The following FGF22 variants were observed in gnomAD, a reference collection of about 807,000 sequenced individuals.
FGF22 encodes FGF-22.
A neutral mutation model predicts 10.3 loss-of-function variants in FGF22; 11 were observed. The ratio of observed to expected loss-of-function variants is 1.07; its 90% confidence interval spans 0.67 to 1.77. The LOEUF is 1.77. Among genes scored for constraint, FGF22 ranks in the 40% most tolerant of loss-of-function variants. FGF22 has a pLI of 0.00. For missense variants in FGF22, 317 were observed against 273.2 expected (o/e 1.16, Z -1.13); for synonymous variants, 136 against 122.1 (o/e 1.11, Z -0.75).
In FGF22 at chr19:643,216, C is replaced by T. The variant is rs776910063; in HGVS notation, c.215-19C>T. On this transcript the variant is annotated intron_variant, in intron 1 of 2. Coordinates refer to ENST00000215530, the Ensembl canonical transcript of FGF22. ...GGGGGTGAGCCAGCAAGGCCCTCCCCGACCCCCGCCTCCCCCAGGCATCCT... is the reference window on the plus strand; with the variant it reads ...GGGGGTGAGCCAGCAAGGCCCTCCCTGACCCCCGCCTCCCCCAGGCATCCT... The T allele has an allele frequency of 1.6e-5, 23 of 1,447,612 alleles. No homozygotes were observed. The highest frequency in any genetic ancestry group is 1.8e-4 in the Middle Eastern group (1 of 5,532). The allele number at this position is 1,447,612 out of a possible 1,614,324, so 89.7% of individuals were successfully genotyped here.
intron 1 of FGF22, 78 bp from the exon 2 acceptor site, chr19:643,157 C>A: frequency 5.8e-6 from 2 of 342,676 alleles, no homozygotes; most frequent in Non-Finnish European, 8.5e-6. Context: ...GTCCTGAGGG[C>A]CCTGCACGAA....
intron 1 of FGF22, among the ~76,000 whole-genome samples, chr19:642,964 G>A (rs1394829884): frequency 3.3e-5 from 5 of 152,048 alleles, no homozygotes; most frequent in South Asian, 2.1e-4. Flanking sequence ...GGTCCTCATC[G>A]ATCTCTGCAC....
intron 1 of FGF22, chr19:640,791 G>C: frequency 4.6e-6 from 1 of 218,156 alleles, no homozygotes; most frequent in South Asian, 6.1e-5. Context: ...CAGGGGAGTC[G>C]GTGTCCCCGC....
chr19:643,587 C>T (rs1196368310), exon 3 of FGF22: 1 of 1,549,904 alleles, frequency 6.5e-7, no homozygotes, highest in Non-Finnish European at 8.7e-7. Context: ...CCACTTCCTG[C>T]CCGTCCTGGT....
At chr19:641,792 G>A (rs1189495704) in intron 1 of FGF22, among the ~76,000 whole-genome samples, 1 of 152,076 alleles carries the variant, frequency 6.6e-6, no homozygotes, top group African/African-American at 2.4e-5. Context: ...GCTGCCCCGA[G>A]GAGCTTTCAC....
At chr19:643,437 C>G (rs141882459) in exon 3 of FGF22, 1 of 1,611,414 alleles carries the variant, frequency 6.2e-7, no homozygotes, top group South Asian at 1.1e-5. Flanking sequence ...CTGCAGGTTC[C>G]GGGAGCGCAT....
chr19:643,085 TG>T (rs371261717), intron 1 of FGF22, 149 bp from the exon 2 acceptor site: 55 of 33,942 alleles, frequency 1.6e-3, no homozygotes, highest in African/African-American at 7.6e-3. Flanking sequence ...TGGGGGATCC[TG>T]AGTGTCCGTC....
At chr19:640,944 C>T (rs1286395835) in intron 1 of FGF22, 4 of 339,334 alleles carry the variant, frequency 1.2e-5, no homozygotes, top group South Asian at 6.6e-5. Flanking sequence ...GTGACGAGGG[C>T]GGACAGGGGA....
intron 1 of FGF22, chr19:641,603 A>T: frequency 4.2e-6 from 1 of 240,542 alleles, no homozygotes. Flanking sequence ...AGAACAGTGA[A>T]TGACGTGAAC....
rs775996770 is a variant in FGF22, at chr19:643,496, C to T, written c.405C>T (p.Arg135=). The change falls in exon 3 of 3, where the codon CGC becomes CGT. Residue 135 remains arginine (R), a synonymous_variant. Coordinates refer to ENST00000215530, the Ensembl canonical transcript of FGF22. ...ACGCCTCACAGCGCTGGCGCCGCCG[C>T]GGCCAGCCCATGTTCCTGGCGCTGG... 3.0e-5 allele frequency: 48 copies of T among 1,610,498 alleles called. 1 individual carries two copies. The highest frequency in any genetic ancestry group is 1.7e-4 in the Admixed American group (10 of 59,922).
intron 1 of FGF22, chr19:641,445 G>T: frequency 2.8e-6 from 1 of 358,266 alleles, no homozygotes; most frequent in Non-Finnish European, 5.6e-6. Flanking sequence ...TGTGGTGGCG[G>T]GCGCCTGTAG....
At chr19:640,696 CACT>C (rs1985870742) in intron 1 of FGF22, 1 of 168,730 alleles carries the variant, frequency 5.9e-6, no homozygotes, top group African/African-American at 2.4e-5. Flanking sequence ...CTGCCGAGCA[CACT>C]GAGGTAGGCC....
At chr19:643,887 C>T (rs556849913) in exon 3 of FGF22, 154 of 185,386 alleles carry the variant, frequency 8.3e-4, no homozygotes, top group Non-Finnish European at 1.5e-3. Context: ...AGGCAGGGCC[C>T]GGCAGAGGCA....
chr19:639,883 ACGCC>A, exon 1 of FGF22: 1 of 1,163,100 alleles, frequency 8.6e-7, no homozygotes, highest in Non-Finnish European at 1.1e-6. Context: ...AGAGCCGCGG[ACGCC>A]CGGGAGCGAC....
At chr19:640,454 T>G in intron 1 of FGF22, 1 of 252,542 alleles carries the variant, frequency 4.0e-6, no homozygotes. Context: ...CCCAGCTGCA[T>G]GGCGGAAGCG....
At chr19:641,499 C>T (rs1464235047) in intron 1 of FGF22, 5 of 312,440 alleles carry the variant, frequency 1.6e-5, no homozygotes, top group Non-Finnish European at 2.6e-5. Flanking sequence ...GACGTGAAGC[C>T]GGGAGGTGGA....
At chr19:641,514 G>C (rs887832856) in intron 1 of FGF22, 3 of 303,334 alleles carry the variant, frequency 9.9e-6, no homozygotes, top group African/African-American at 6.6e-5. Flanking sequence ...GGTGGAGCTT[G>C]CAGTGAGCTG....
exon 1 of FGF22, chr19:640,031 C>G: frequency 7.1e-7 from 1 of 1,398,814 alleles, no homozygotes; most frequent in Non-Finnish European, 9.3e-7. Flanking sequence ...CTACCCGCAC[C>G]TGGAGGGCGA....
At chr19:639,933 G>A (rs1160198107) in exon 1 of FGF22, 4 of 1,225,314 alleles carry the variant, frequency 3.3e-6, no homozygotes, top group South Asian at 3.6e-5. Context: ...GTCATGCGCC[G>A]CCGCCTGTGG....
Sources: allele counts gnomAD v4.1 joint callset (sites outside exome capture counted in the v4.1 genomes callset), GRCh38; gene constraint gnomAD v4.1.1; transcripts MANE v1.5; gene names NCBI Gene and HGNC (gene_info 2026-07-23, HGNC 2026-07-21).